HSPA2: variants seen among roughly 807,000 people sequenced by gnomAD.
HSPA2 encodes the protein heat shock-related 70 kDa protein 2.
HSPA2 carries 13 observed loss-of-function variants against 35.0 expected under a neutral mutation model. That is an observed-to-expected ratio of 0.37 (90% CI 0.24 to 0.59). The LOEUF (loss-of-function observed/expected upper bound fraction) is 0.59. Among genes scored for constraint, HSPA2 ranks in the 20% least tolerant of loss-of-function variants. The pLI is 0.70. For synonymous variants in HSPA2, 368 were observed against 382.1 expected (o/e 0.96, Z 0.43); for missense variants, 565 against 885.4 (o/e 0.64, Z 4.59).
In HSPA2 at chr14:64,540,969, C is replaced by T; in HGVS notation, c.120C>T (p.Pro40=). 1 of 1,614,184 alleles carries T rather than the reference C, an allele frequency of 6.2e-7. No homozygotes were observed. The highest frequency in any genetic ancestry group is 8.5e-7 in the Non-Finnish European group (1 of 1,180,038). Residue 40 remains proline (P), a synonymous_variant, in exon 1 of 1, where the codon CCC becomes CCT. Coordinates refer to ENST00000247207, the MANE Select transcript of HSPA2 (RefSeq NM_021979.4). ...ACGACCAGGGCAATCGCACCACCCCCAGCTACGTGGCCTTCACGGACACCG... is the reference window on the plus strand; with the variant it reads ...ACGACCAGGGCAATCGCACCACCCCTAGCTACGTGGCCTTCACGGACACCG... ...IANDQGNRTT[P]SYVAFTDTER... is the part of the protein sequence containing the mutation.
At chr14:64,536,490 G>A (rs748085012), upstream of HSPA2, among the ~76,000 whole-genome samples, 1 of 152,182 alleles carries the variant, frequency 6.6e-6, no homozygotes, top group Non-Finnish European at 1.5e-5. Context: ...GCCAGGTGTG[G>A]TGGCTCACTA....
rs1054117301 is a variant in HSPA2 at position 64,540,756 on chromosome 14, C to T, written c.-94C>T. 9 of 1,543,670 alleles carry T rather than the reference C, an allele frequency of 5.8e-6. No homozygotes were observed. Among genetic ancestry groups the T allele is most frequent in the African/African-American group, 4.1e-5 (3 of 73,102 alleles). The stretch of plus-strand genomic sequence containing the variant: ...GCGGGGAGCTGAGTTGCTGGTAGTG[C>T]CCGTGGTGCTTGGTTCGAGGTGGCC... On this transcript the variant is annotated 5_prime_UTR_variant, in exon 1 of 1. Transcript: ENST00000247207.
upstream of HSPA2, among the ~76,000 whole-genome samples, chr14:64,538,991 A>C (rs1272327673): frequency 2.0e-5 from 3 of 152,278 alleles, no homozygotes; most frequent in East Asian, 3.9e-4. Context: ...TTTTTAGTAG[A>C]GACGGGGTTT....
Position 64,541,850 on chromosome 14 carries a change from T to C in HSPA2, c.1001T>C (p.Ile334Thr). 1 of 1,613,604 alleles carries C rather than the reference T, an allele frequency of 6.2e-7. No homozygotes were observed. Among genetic ancestry groups the C allele is most frequent in the Non-Finnish European group, 8.5e-7 (1 of 1,180,022 alleles). Residue 334 changes from isoleucine to threonine, a missense_variant, in exon 1 of 1, where the codon ATC (isoleucine) becomes ACC (threonine). This residue lies in a region of HSPA2 where 234 missense variants were observed against 419.0 expected (regional missense o/e 0.56). Transcript: ENST00000247207. ...LRDAKLDKGQ[I>T]QEIVLVGGST... ...GACGCCAAGCTGGACAAGGGCCAGATCCAGGAGATCGTGCTGGTGGGCGGC... is the reference window on the plus strand; with the variant it reads ...GACGCCAAGCTGGACAAGGGCCAGACCCAGGAGATCGTGCTGGTGGGCGGC...
chr14:64,539,934 C>G (rs449865), upstream of HSPA2, among the ~76,000 whole-genome samples: 2,864 of 152,296 alleles, frequency 0.019, 84 homozygotes, highest in African/African-American at 0.066. Context: ...GCCGCCTCGG[C>G]CTCCCAAGTG....
At chr14:64,540,021 G>A (rs148306243), upstream of HSPA2, among the ~76,000 whole-genome samples, 1,950 of 152,178 alleles carry the variant, frequency 0.013, 74 homozygotes, top group East Asian at 0.16. Context: ...CCACTGAGAC[G>A]CAGTGAAGCA....
Position 64,541,610 on chromosome 14 carries a change from A to G in HSPA2, c.761A>G (p.Lys254Arg). 6.2e-7 allele frequency: 1 copy of G among 1,611,582 alleles called. No individual in the cohort carries two copies. Among genetic ancestry groups the G allele is most frequent in the Admixed American group, 1.7e-5 (1 of 60,018 alleles). Residue 254 changes from lysine (K) to arginine (R), a missense_variant, in exon 1 of 1, where the codon AAG becomes AGG. Coordinates refer to ENST00000247207, the MANE Select transcript of HSPA2 (RefSeq NM_021979.4). Reference protein sequence around the residue: ...LAEEFKRKHKKDIGPNKRAVR... With the variant: ...LAEEFKRKHKRDIGPNKRAVR... ...GAGGAGTTCAAGCGCAAGCACAAGA[A>G]GGACATTGGGCCCAACAAGCGCGCC...
chr14:64,542,867 ATTG>A lies in HSPA2; in HGVS notation c.*102_*104del, dbSNP rs2080044481. ...TGTCCTTGTGCCAAGTACGAGATCT[ATTG>A]TTGGAAGTCTTTGGTATATGCAAAT... On this transcript the variant is annotated 3_prime_UTR_variant, in exon 1 of 1. Transcript: ENST00000247207. This position sits in a 1 kb window ranked among gnomAD's most constrained non-coding sequence, Gnocchi z 5.7. 4.8e-6 allele frequency: 7 copies of A among 1,459,330 alleles called. No homozygotes were observed. Among genetic ancestry groups the A allele is most frequent in the Middle Eastern group, 2.0e-4 (1 of 4,928 alleles). The allele number at this position is 1,459,330 out of a possible 1,614,324, so 90.4% of individuals were successfully genotyped here.
upstream of HSPA2, among the ~76,000 whole-genome samples, chr14:64,538,694 T>C (rs1262897259): frequency 6.6e-6 from 1 of 152,192 alleles, no homozygotes; most frequent in Non-Finnish European, 1.5e-5. Flanking sequence ...TTTATTAGAC[T>C]CTCCACCTCT....
Position 64,542,902 on chromosome 14 carries a change from A to C in HSPA2, c.*133A>C. On this transcript the variant is annotated 3_prime_UTR_variant, in exon 1 of 1. Coordinates refer to ENST00000247207, the MANE Select transcript of HSPA2 (RefSeq NM_021979.4). The surrounding 1 kb of genome is among the most constrained non-coding windows in gnomAD (Gnocchi z 5.7). ...GTCTTTGGTATATGCAAATGAAAGG[A>C]GAGGTGCAACAACTTAGTTTAATTA... is the stretch of plus-strand genomic sequence containing the variant. The C allele has an allele frequency of 7.5e-7, 1 of 1,334,358 alleles. No homozygotes were observed. Among genetic ancestry groups the C allele is most frequent in the Non-Finnish European group, 1.0e-6 (1 of 995,902 alleles). The allele number at this position is 1,334,358 out of a possible 1,614,324, so 82.7% of individuals were successfully genotyped here. A position where few individuals can be genotyped will look rare whatever the true frequency, so the allele number is the denominator to read the frequency against.
Position 64,542,850 on chromosome 14 carries a change from T to A in HSPA2, c.*81T>A. 6.8e-7 allele frequency: 1 copy of A among 1,478,366 alleles called. No individual in the cohort carries two copies. The highest frequency in any genetic ancestry group is 1.4e-5 in the South Asian group (1 of 70,432). 91.6% of individuals were successfully genotyped at this position (1,478,366 alleles called of 1,614,324 possible). ...TGTTTGTTTCTTTGAAATGTCCTTG[T>A]GCCAAGTACGAGATCTATTGTTGGA... is the stretch of plus-strand genomic sequence containing the variant. On this transcript the variant is annotated 3_prime_UTR_variant, in exon 1 of 1. Transcript: ENST00000247207. This position sits in a 1 kb window ranked among gnomAD's most constrained non-coding sequence, Gnocchi z 5.7.
At position 64,541,797 on chromosome 14, in the gene HSPA2, C is replaced by T. The variant is rs776070437; in HGVS notation, c.948C>T (p.Thr316=). Residue 316 remains threonine, a synonymous_variant, in exon 1 of 1, where the codon ACC becomes ACT. Transcript: ENST00000247207. ...TCAATGCCGACCTCTTTCGCGGGACCCTGGAGCCGGTGGAGAAGGCGCTGC... is the reference window on the plus strand; with the variant it reads ...TCAATGCCGACCTCTTTCGCGGGACTCTGGAGCCGGTGGAGAAGGCGCTGC... The part of the protein sequence containing the change: ...EELNADLFRG[T]LEPVEKALRD... 8.1e-6 allele frequency: 13 copies of T among 1,613,358 alleles called. No homozygotes were observed. Among genetic ancestry groups the T allele is most frequent in the African/African-American group, 1.3e-5 (1 of 74,924 alleles).
rs756909705 is a variant in HSPA2, at chr14:64,540,926, A to C, written c.77A>C (p.Lys26Thr). Residue 26 changes from lysine (K) to threonine (T), a missense_variant, in exon 1 of 1, where the codon AAG (lysine) becomes ACG (threonine). Lys to Thr is a moderately conservative substitution (Grantham distance 78, BLOSUM62 -1). Around this residue, in one of 4 missense-constraint regions of HSPA2, gnomAD observed 183 missense variants for 281.6 expected, o/e 0.65. Coordinates refer to ENST00000247207, the MANE Select transcript of HSPA2 (RefSeq NM_021979.4). ...TGCGTCGGGGTCTTCCAACATGGCA[A>C]GGTGGAGATCATCGCCAACGACCAG... ...YSCVGVFQHG[K>T]VEIIANDQGN... is the part of the protein sequence containing the mutation. 1.9e-6 allele frequency: 3 copies of C among 1,614,036 alleles called. No individual in the cohort carries two copies. In the African/African-American group the frequency reaches 4.0e-5, roughly 22 times the overall value.
In HSPA2 at chr14:64,540,770, T is replaced by A; in HGVS notation, c.-80T>A. ...TGCTGGTAGTGCCCGTGGTGCTTGG[T>A]TCGAGGTGGCCGTTAGTTGACTCCG... On this transcript the variant is annotated 5_prime_UTR_variant, in exon 1 of 1. Coordinates refer to ENST00000247207, the MANE Select transcript of HSPA2 (RefSeq NM_021979.4). 6.4e-7 allele frequency: 1 copy of A among 1,567,804 alleles called. No individual in the cohort carries two copies. The highest frequency in any genetic ancestry group is 8.6e-7 in the Non-Finnish European group (1 of 1,156,268).
chr14:64,541,480 T>G lies in HSPA2; in HGVS notation c.631T>G (p.Ser211Ala). Residue 211 changes from serine to alanine, a missense_variant, in exon 1 of 1, where the codon TCC becomes GCC. Physicochemically the swap from Ser to Ala is moderately conservative, Grantham distance 99. Transcript: ENST00000247207. ...CCTGGGCGGTGGCACTTTCGACGTG[T>G]CCATCCTGACCATCGAGGATGGCAT... ...FDLGGGTFDVSILTIEDGIFE... is the reference protein window; with the variant it reads ...FDLGGGTFDVAILTIEDGIFE... The G allele has an allele frequency of 6.2e-7, 1 of 1,613,448 alleles. No individual in the cohort carries two copies. Among genetic ancestry groups the G allele is most frequent in the Non-Finnish European group, 8.5e-7 (1 of 1,179,720 alleles).
upstream of HSPA2, among the ~76,000 whole-genome samples, chr14:64,538,972 A>G (rs1026884440): frequency 2.6e-5 from 4 of 152,052 alleles, no homozygotes; most frequent in African/African-American, 9.7e-5. Flanking sequence ...CGCCCGGCTA[A>G]TTTTTGTATT....
chr14:64,541,437 G>C lies in HSPA2; in HGVS notation c.588G>C (p.Lys196Asn), dbSNP rs752166393. 1 of 1,613,624 alleles carries C rather than the reference G, an allele frequency of 6.2e-7. No individual in the cohort carries two copies. Among genetic ancestry groups the C allele is most frequent in the Admixed American group, 1.7e-5 (1 of 60,006 alleles). ...AGAAGGGCTGCGCGGGCGGCGAGAAGAACGTGCTCATCTTTGACCTGGGCG... is the reference window on the plus strand; with the variant it reads ...AGAAGGGCTGCGCGGGCGGCGAGAACAACGTGCTCATCTTTGACCTGGGCG... ...LDKKGCAGGE[K>N]NVLIFDLGGG... is the part of the protein sequence containing the mutation. The change falls in exon 1 of 1, where the codon AAG becomes AAC. Residue 196 changes from lysine (K) to asparagine (N), a missense_variant. Physicochemically the swap from Lys to Asn is moderately conservative, Grantham distance 94. This residue lies in a region of HSPA2 where 183 missense variants were observed against 281.6 expected (regional missense o/e 0.65). Coordinates refer to ENST00000247207, the MANE Select transcript of HSPA2 (RefSeq NM_021979.4).
chr14:64,540,613 CCAGTCACTCCGA>C (rs2080019688), upstream of HSPA2: 6 of 610,888 alleles, frequency 9.8e-6, no homozygotes, highest in Admixed American at 3.1e-5. Flanking sequence ...GGGTCACGGG[CCAGTCACTCCGA>C]CCTAGGCAAG....
At chr14:64,538,146 T>G (rs2079993660), upstream of HSPA2, among the ~76,000 whole-genome samples, 1 of 152,236 alleles carries the variant, frequency 6.6e-6, no homozygotes, top group African/African-American at 2.4e-5. Flanking sequence ...AATAACCAAT[T>G]ATGTTCTTAA....
Sources: allele counts gnomAD v4.1 joint callset (sites outside exome capture counted in the v4.1 genomes callset), GRCh38; gene constraint gnomAD v4.1.1; regional missense constraint gnomAD v4.1.1; non-coding constraint Gnocchi (gnomAD v3.1); transcripts MANE v1.5; gene names NCBI Gene and HGNC (gene_info 2026-07-23, HGNC 2026-07-21).